The following FOXP2 variants were observed in gnomAD, a reference collection of about 807,000 sequenced individuals.
FOXP2 encodes forkhead box protein P2.
In FOXP2, 12 loss-of-function variants were observed where a neutral mutation model predicts 115.8. The observed-to-expected ratio is 0.10, with a 90% CI of 0.07 to 0.17. The LOEUF is 0.17. Ranked by LOEUF, FOXP2 falls within the 10% of genes least tolerant of loss-of-function variation. The pLI, the probability that FOXP2 is intolerant of heterozygous loss-of-function variation, is 1.00. For synonymous variants in FOXP2, 328 were observed against 297.7 expected, an observed-to-expected ratio of 1.10 and a Z score of -1.05; for missense variants, 629 against 843.5, an observed-to-expected ratio of 0.75 and a Z score of 3.15.
intron 3 of FOXP2, among the ~76,000 whole-genome samples, chr7:114,542,128 A>G (rs1799693227): frequency 6.6e-6 from 1 of 152,080 alleles, no homozygotes; most frequent in Non-Finnish European, 1.5e-5. Flanking sequence ...TGGTTTTCTT[A>G]AAATGTTTCT....
At chr7:114,460,538 C>CAGGG in intron 2 of FOXP2, among the ~76,000 whole-genome samples, 1 of 152,100 alleles carries the variant, frequency 6.6e-6, no homozygotes, top group South Asian at 2.1e-4. Context: ...AGAATGTTGA[C>CAGGG]AGGGATTCAT....
At chr7:114,338,591 T>G (rs1273199149) in intron 2 of FOXP2, among the ~76,000 whole-genome samples, 2 of 151,118 alleles carry the variant, frequency 1.3e-5, no homozygotes, top group Non-Finnish European at 3.0e-5. Context: ...TCCTGAAAAT[T>G]TCTTTTACTC....
chr7:114,373,683 G>T (rs1792070928), intron 2 of FOXP2, among the ~76,000 whole-genome samples: 1 of 152,146 alleles, frequency 6.6e-6, no homozygotes, highest in South Asian at 2.1e-4. Context: ...TACCCAATTT[G>T]TCAGAATACC....
chr7:114,469,677 G>C (rs1022871470), intron 2 of FOXP2, among the ~76,000 whole-genome samples: 3 of 152,118 alleles, frequency 2.0e-5, no homozygotes, highest in African/African-American at 7.2e-5. Context: ...GAAGATTATA[G>C]AAAGTGTGTA....
rs1215078236 is a variant in FOXP2 at position 114,481,808 on chromosome 7, CTATA to C, written c.169-52805_169-52802del. On this transcript the variant is annotated intron_variant, in intron 2 of 16. Coordinates refer to ENST00000350908, the MANE Select transcript of FOXP2 (RefSeq NM_014491.4). ...TCTATCTATCTATCTATCTATCTAT[CTATA>C]TATCTATCTATCTAATCTATAATGG... Among the ~76,000 whole-genome samples the C allele has an allele frequency of 1.7e-3, 237 of 142,434 alleles. 1 individual carries two copies. The highest frequency in any genetic ancestry group is 4.0e-3 in the African/African-American group (150 of 37,290). 93.4% of individuals were successfully genotyped at this position (142,434 alleles called of 152,430 possible).
chr7:114,590,994 G>A (rs1286365736), intron 3 of FOXP2, among the ~76,000 whole-genome samples: 2 of 152,074 alleles, frequency 1.3e-5, no homozygotes, highest in Non-Finnish European at 2.9e-5. Flanking sequence ...TTCCAAAATT[G>A]TTTACAATTA....
chr7:114,375,552 G>A (rs1792118242), intron 2 of FOXP2, among the ~76,000 whole-genome samples: 1 of 152,120 alleles, frequency 6.6e-6, no homozygotes, highest in South Asian at 2.1e-4. Flanking sequence ...AAACTTTGAG[G>A]CTTAAAAAGA....
At chr7:114,671,867 T>C (rs1469992053) in intron 16 of FOXP2, among the ~76,000 whole-genome samples, 1 of 152,238 alleles carries the variant, frequency 6.6e-6, no homozygotes, top group Non-Finnish European at 1.5e-5. Context: ...AAATTATGTC[T>C]TAATGTATGT....
chr7:114,157,915 A>C (rs1792711624), intron 1 of FOXP2, among the ~76,000 whole-genome samples: 1 of 152,092 alleles, frequency 6.6e-6, no homozygotes, highest in Non-Finnish European at 1.5e-5. Context: ...TGGAAGAGAG[A>C]CTGCTTTTAA....
chr7:114,397,200 A>C (rs934477325), intron 2 of FOXP2, among the ~76,000 whole-genome samples: 7 of 152,186 alleles, frequency 4.6e-5, no homozygotes, highest in African/African-American at 1.7e-4. Context: ...TTAAAAATTT[A>C]AAAGTTTATC....
intron 3 of FOXP2, chr7:114,613,805 C>T (rs1370584772): frequency 6.6e-6 from 1 of 151,634 alleles, no homozygotes; most frequent in African/African-American, 2.4e-5. Flanking sequence ...GCACCCACTA[C>T]CACCAGGTGG....
intron 2 of FOXP2, among the ~76,000 whole-genome samples, chr7:114,369,195 T>G (rs1405229227): frequency 1.3e-5 from 2 of 152,210 alleles, no homozygotes; most frequent in African/African-American, 4.8e-5. Flanking sequence ...AAAGCTCTTT[T>G]CTAGTGTAGG....
intron 2 of FOXP2, among the ~76,000 whole-genome samples, chr7:114,396,774 A>T (rs965401349): frequency 8.6e-5 from 13 of 152,028 alleles, no homozygotes; most frequent in African/African-American, 3.1e-4. Context: ...CAACATAGGG[A>T]CTATACATTA....
At chr7:114,617,565 G>A (rs1331703230) in intron 3 of FOXP2, among the ~76,000 whole-genome samples, 1 of 152,210 alleles carries the variant, frequency 6.6e-6, no homozygotes, top group African/African-American at 2.4e-5. Flanking sequence ...AGGCGGAGGC[G>A]GGTGGATCAC....
At chr7:114,587,088 C>T (rs1459906101) in intron 3 of FOXP2, among the ~76,000 whole-genome samples, 1 of 146,534 alleles carries the variant, frequency 6.8e-6, no homozygotes, top group East Asian at 2.0e-4. Flanking sequence ...ACTTTAAGTT[C>T]TGGGATACGT....
At chr7:114,502,303 A>G (rs1797600590) in intron 2 of FOXP2, among the ~76,000 whole-genome samples, 1 of 152,112 alleles carries the variant, frequency 6.6e-6, no homozygotes, top group Admixed American at 6.6e-5. Flanking sequence ...AGAAACTGAC[A>G]GTGTTTTGGA....
intron 1 of FOXP2, among the ~76,000 whole-genome samples, chr7:114,172,058 TG>T (rs1293376944): frequency 6.6e-6 from 1 of 152,196 alleles, no homozygotes; most frequent in Non-Finnish European, 1.5e-5. Flanking sequence ...AGTGAGGAAT[TG>T]CTTCCTAAGG....
intron 1 of FOXP2, among the ~76,000 whole-genome samples, chr7:114,246,534 A>T (rs1015267822): frequency 3.3e-5 from 5 of 152,094 alleles, no homozygotes; most frequent in African/African-American, 1.2e-4. Context: ...AAACTTAGAG[A>T]GTTTTGGAAC....
At chr7:114,305,307 A>G (rs148004246) in intron 2 of FOXP2, among the ~76,000 whole-genome samples, 47 of 152,304 alleles carry the variant, frequency 3.1e-4, no homozygotes, top group African/African-American at 1.1e-3. Context: ...AATGGCTCAC[A>G]TATTCATTTC....
Sources: allele counts gnomAD v4.1 joint callset (sites outside exome capture counted in the v4.1 genomes callset), GRCh38; gene constraint gnomAD v4.1.1; transcripts MANE v1.5; gene names NCBI Gene and HGNC (gene_info 2026-07-23, HGNC 2026-07-21).